The following EGFR variants were observed in gnomAD, a reference collection of about 807,000 sequenced individuals.
The protein encoded by EGFR is avian erythroblastic leukemia viral (v-erb-b) oncogene homolog.
In EGFR, 58 loss-of-function variants were observed where a neutral mutation model predicts 143.0. That is an observed-to-expected ratio of 0.41 (90% CI 0.33 to 0.50). The LOEUF is 0.50. EGFR is among the 20% of genes least tolerant of loss of function. The probability of loss-of-function intolerance (pLI) is 0.39; values close to 1 mark genes in which losing one functional copy is unlikely to be tolerated. For synonymous variants in EGFR, 613 were observed against 594.4 expected (o/e 1.03, Z -0.45); for missense variants, 1,307 against 1,579.0 (o/e 0.83, Z 2.92).
intron 19 of EGFR, among the ~76,000 whole-genome samples, chr7:55,177,570 G>T (rs545665460): frequency 2.0e-5 from 3 of 152,180 alleles, no homozygotes; most frequent in Admixed American, 6.5e-5. Context: ...AAGGCTGGAC[G>T]TACACCTCTC....
chr7:55,156,240 A>G (rs1024328035), intron 8 of EGFR, among the ~76,000 whole-genome samples: 1 of 152,192 alleles, frequency 6.6e-6, no homozygotes, highest in African/African-American at 2.4e-5. Flanking sequence ...GAAGCAGTGC[A>G]GCTCCAAGCG....
intron 20 of EGFR, among the ~76,000 whole-genome samples, chr7:55,186,027 C>T (rs537679154): frequency 1.3e-5 from 2 of 152,132 alleles, no homozygotes; most frequent in Admixed American, 6.5e-5. Context: ...CTGAGTGGGC[C>T]GGGCTATCCC....
intron 1 of EGFR, among the ~76,000 whole-genome samples, chr7:55,072,598 A>T (rs1332529442): frequency 2.0e-5 from 3 of 152,202 alleles, no homozygotes; most frequent in African/African-American, 7.2e-5. Context: ...AGTTACCAAC[A>T]GTTTCATGTT....
chr7:55,083,310 A>T (rs774318822), intron 1 of EGFR, among the ~76,000 whole-genome samples: 5 of 152,246 alleles, frequency 3.3e-5, no homozygotes, highest in Admixed American at 2.6e-4. Context: ...TCCAGAATGT[A>T]TTTCAATCAT....
chr7:55,067,965 C>T (rs764562404), intron 1 of EGFR, among the ~76,000 whole-genome samples: 5 of 149,820 alleles, frequency 3.3e-5, no homozygotes, highest in South Asian at 2.1e-4. Context: ...TATGTGTGTA[C>T]GTGTGTACGT....
At chr7:55,148,177 C>A (rs1372488618) in intron 4 of EGFR, among the ~76,000 whole-genome samples, 1 of 152,106 alleles carries the variant, frequency 6.6e-6, no homozygotes, top group Non-Finnish European at 1.5e-5. Flanking sequence ...AAACTGAAAG[C>A]TTTATTTTAC....
chr7:55,039,557 G>A (rs1245037735), intron 1 of EGFR, among the ~76,000 whole-genome samples: 1 of 152,220 alleles, frequency 6.6e-6, no homozygotes, highest in East Asian at 1.9e-4. Flanking sequence ...CAAAAGGAAT[G>A]TGCTTGGGTG....
chr7:55,068,931 A>G (rs1789671697), intron 1 of EGFR, among the ~76,000 whole-genome samples: 1 of 152,178 alleles, frequency 6.6e-6, no homozygotes, highest in Non-Finnish European at 1.5e-5. Flanking sequence ...GGGAAAAGGC[A>G]TCTGGTCATG....
chr7:55,139,100 G>T (rs1433439560), intron 1 of EGFR, among the ~76,000 whole-genome samples: 1 of 152,088 alleles, frequency 6.6e-6, no homozygotes, highest in African/African-American at 2.4e-5. Context: ...CTGTTGCATT[G>T]GTGATTAAGT....
intron 1 of EGFR, among the ~76,000 whole-genome samples, chr7:55,091,813 G>A (rs186322223): frequency 2.7e-5 from 4 of 146,514 alleles, no homozygotes; most frequent in Admixed American, 1.4e-4. Flanking sequence ...AGGGCATCTC[G>A]TAGAGCAACT....
rs200051641 is a variant in EGFR, at chr7:55,088,861, T to C, written c.89-53425T>C. On this transcript the variant is annotated intron_variant, in intron 1 of 27. Transcript: ENST00000275493. ...CCTCCCTGCCTCATCTCCCACGCCC[T>C]CCATCATTTTTTGTCTCTACTTACT... Among the ~76,000 whole-genome samples the C allele has an allele frequency of 8.5e-5, 13 of 152,324 alleles. No homozygotes were observed. In the East Asian group the frequency reaches 2.5e-3, roughly 29 times the overall value.
rs1000128342 is a variant in EGFR at position 55,061,624 on chromosome 7, G to T, written c.88+42259G>T. ...ACGGTCTCCAGGGATGTGTGTGTGT[G>T]TGTGTGTGTGTGTGTGTGTGTGTGT... On this transcript the variant is annotated intron_variant, in intron 1 of 27. Transcript: ENST00000275493. 1.5e-4 allele frequency among the ~76,000 whole-genome samples: 20 copies of T among 129,070 alleles called. 1 individual carries two copies. Among genetic ancestry groups the T allele is most frequent in the South Asian group, 9.7e-4 (4 of 4,138 alleles). 84.7% of individuals were successfully genotyped at this position (129,070 alleles called of 152,430 possible).
intron 1 of EGFR, among the ~76,000 whole-genome samples, chr7:55,077,237 G>A (rs1022730942): frequency 6.6e-5 from 10 of 152,140 alleles, no homozygotes; most frequent in African/African-American, 1.4e-4. Context: ...TTTGCTGGGT[G>A]TGGTATTTTT....
chr7:55,204,803 T>C (rs1788041983), intron 27 of EGFR, among the ~76,000 whole-genome samples: 2 of 130,558 alleles, frequency 1.5e-5, no homozygotes, highest in African/African-American at 3.1e-5. Flanking sequence ...TACACACGTA[T>C]ACACACACCA....
intron 14 of EGFR, among the ~76,000 whole-genome samples, chr7:55,164,449 G>A (rs1785866657): frequency 6.6e-6 from 1 of 152,238 alleles, no homozygotes; most frequent in Admixed American, 6.5e-5. Context: ...CTCTAAATTG[G>A]GCAGAAGATG....
chr7:55,042,455 A>G (rs1379816431), intron 1 of EGFR, among the ~76,000 whole-genome samples: 1 of 152,200 alleles, frequency 6.6e-6, no homozygotes, highest in Non-Finnish European at 1.5e-5. Flanking sequence ...AAGAAAATCC[A>G]TGTCCATTTG....
At chr7:55,058,543 T>A (rs1365339368) in intron 1 of EGFR, among the ~76,000 whole-genome samples, 2 of 152,102 alleles carry the variant, frequency 1.3e-5, no homozygotes, top group Non-Finnish European at 2.9e-5. Flanking sequence ...AAGAACAAGA[T>A]CATGTCCTTT....
chr7:55,025,962 C>A (rs1583854311), intron 1 of EGFR, among the ~76,000 whole-genome samples: 1 of 152,050 alleles, frequency 6.6e-6, no homozygotes, highest in East Asian at 1.9e-4. Context: ...ACGCTAGTGG[C>A]TGAACCAAAA....
intron 1 of EGFR, among the ~76,000 whole-genome samples, chr7:55,025,255 G>A (rs1401838290): frequency 6.6e-6 from 1 of 152,174 alleles, no homozygotes; most frequent in Non-Finnish European, 1.5e-5. Context: ...TTGGAAACAG[G>A]AAGGTTCATG....
Sources: gnomAD v4.1 joint callset for allele counts (sites outside exome capture counted in the v4.1 genomes callset) on GRCh38, gnomAD v4.1.1 for gene constraint, MANE v1.5 for transcripts, NCBI Gene and HGNC (gene_info 2026-07-23, HGNC 2026-07-21) for gene names.